Variants in EMP2 observed in about 807,000 individuals in gnomAD.
The protein encoded by EMP2 is epithelial membrane protein 2.
A neutral mutation model predicts 13.7 loss-of-function variants in EMP2; 19 were observed. The ratio of observed to expected loss-of-function variants is 1.38; its 90% CI spans 0.97 to 2.03. EMP2 has a LOEUF of 2.03. EMP2 is among the 30% of genes most tolerant of loss of function. EMP2 has a pLI of 0.00. For missense variants in EMP2, 253 were observed against 220.7 expected, an observed-to-expected ratio of 1.15 and a Z score of -0.93; for synonymous variants, 97 against 84.7, an observed-to-expected ratio of 1.15 and a Z score of -0.80.
chr16:10,540,728 A>G lies in EMP2; in HGVS notation c.170-2654T>C, dbSNP rs1455440423. The stretch of plus-strand genomic sequence containing the variant: ...GATAACATCATTGGGCTTTCCATCT[A>G]GTATTTTCAGAAAGCTTCCCTTCTT... On this transcript the variant is annotated intron_variant, in intron 3 of 4. Transcript: ENST00000359543. 2.0e-5 allele frequency among the ~76,000 whole-genome samples: 3 copies of G among 152,060 alleles called. No individual in the cohort carries two copies. In the East Asian group the frequency reaches 5.8e-4, roughly 29 times the overall value.
chr16:10,542,214 A>G (rs1430299604), intron 3 of EMP2, among the ~76,000 whole-genome samples: 2 of 152,148 alleles, frequency 1.3e-5, no homozygotes, highest in Non-Finnish European at 2.9e-5. Flanking sequence ...CCTGGGCAAC[A>G]TGGTGAAACT....
chr16:10,580,378 G>C lies in EMP2; in HGVS notation c.-61+171C>G, dbSNP rs1447176978. 1.3e-5 allele frequency among the ~76,000 whole-genome samples: 2 copies of C among 152,228 alleles called. No homozygotes were observed. Among genetic ancestry groups the C allele is most frequent in the African/African-American group, 4.8e-5 (2 of 41,458 alleles). Reference sequence around the variant, plus strand: ...CTGGGGCCGGAGCGAGCGTGGCGCAGACCAGAGGTCGGCGGCATGGGTGGC... The same window carrying C: ...CTGGGGCCGGAGCGAGCGTGGCGCACACCAGAGGTCGGCGGCATGGGTGGC... On this transcript the variant is annotated intron_variant, in intron 1 of 4. Transcript: ENST00000359543. The surrounding 1 kb of genome is among the most constrained non-coding windows in gnomAD (Gnocchi z 4.3).
intron 1 of EMP2, among the ~76,000 whole-genome samples, chr16:10,577,018 A>G (rs898237888): frequency 2.0e-5 from 3 of 152,180 alleles, no homozygotes; most frequent in African/African-American, 7.2e-5. Context: ...CCTCCTGGAC[A>G]GATGACACGT....
intron 1 of EMP2, among the ~76,000 whole-genome samples, chr16:10,550,915 C>G (rs912405756): frequency 6.6e-6 from 1 of 150,894 alleles, no homozygotes; most frequent in African/African-American, 2.4e-5. Flanking sequence ...GCAGAGGTTG[C>G]ACTGAGCCAA....
At chr16:10,542,446 C>T (rs1324377896) in intron 3 of EMP2, among the ~76,000 whole-genome samples, 1 of 45,520 alleles carries the variant, frequency 2.2e-5, no homozygotes, top group Non-Finnish European at 4.5e-5. Flanking sequence ...AACCCTCCCC[C>T]CCCACCAACA....
chr16:10,534,669 G>C (rs940146405), intron 4 of EMP2, among the ~76,000 whole-genome samples: 1 of 152,202 alleles, frequency 6.6e-6, no homozygotes, highest in Non-Finnish European at 1.5e-5. Flanking sequence ...GGGAGGCTGC[G>C]GCAGGAGAAT....
At chr16:10,560,038 C>G (rs1025366092) in intron 1 of EMP2, among the ~76,000 whole-genome samples, 1 of 152,190 alleles carries the variant, frequency 6.6e-6, no homozygotes, top group African/African-American at 2.4e-5. Context: ...CAATGTCACA[C>G]AGCTAGTAAA....
intron 3 of EMP2, among the ~76,000 whole-genome samples, chr16:10,542,267 G>C (rs2050705866): frequency 6.6e-6 from 1 of 152,044 alleles, no homozygotes; most frequent in South Asian, 2.1e-4. Context: ...GCATGGTGGT[G>C]AGTGCCTGTA....
At chr16:10,571,327 C>T (rs1043852606) in intron 1 of EMP2, among the ~76,000 whole-genome samples, 1 of 144,046 alleles carries the variant, frequency 6.9e-6, no homozygotes, top group Non-Finnish European at 1.5e-5. Flanking sequence ...GAGGAGAAAG[C>T]AACAGGGGAG....
intron 4 of EMP2, among the ~76,000 whole-genome samples, chr16:10,533,471 T>C (rs1232390082): frequency 1.3e-5 from 2 of 152,210 alleles, no homozygotes; most frequent in Non-Finnish European, 1.5e-5. Context: ...CCAGTTTTGT[T>C]TGGGCAGCCA....
At chr16:10,535,435 C>A (rs946428849) in intron 4 of EMP2, among the ~76,000 whole-genome samples, 1 of 151,994 alleles carries the variant, frequency 6.6e-6, no homozygotes, top group Non-Finnish European at 1.5e-5. Context: ...TAGACAATAA[C>A]AGAAAATAAA....
intron 1 of EMP2, among the ~76,000 whole-genome samples, chr16:10,574,116 T>C (rs1205829292): frequency 6.6e-6 from 1 of 151,880 alleles, no homozygotes; most frequent in African/African-American, 2.4e-5. Flanking sequence ...TTTTGTATTT[T>C]TGGTAGAGAT....
At chr16:10,539,802 G>T (rs934438630) in intron 3 of EMP2, among the ~76,000 whole-genome samples, 1 of 152,042 alleles carries the variant, frequency 6.6e-6, no homozygotes, top group Non-Finnish European at 1.5e-5. Flanking sequence ...CGGGCACGAG[G>T]GCTTCGTAAA....
At chr16:10,550,875 T>TGA (rs933875220) in intron 1 of EMP2, among the ~76,000 whole-genome samples, 93 of 151,686 alleles carry the variant, frequency 6.1e-4, no homozygotes, top group African/African-American at 2.2e-3. Flanking sequence ...CTCAGGAGGC[T>TGA]GAGGCAGGAG....
At position 10,530,369 on chromosome 16, in the gene EMP2, G is replaced by C. The variant is rs2050588803; in HGVS notation, c.*2536C>G. 6.6e-6 allele frequency: 1 copy of C among 152,548 alleles called. No homozygotes were observed. The highest frequency in any genetic ancestry group is 1.5e-5 in the Non-Finnish European group (1 of 68,058). 9.4% of individuals were successfully genotyped at this position (152,548 alleles called of 1,614,324 possible). ...AATCCTGCATTGAAGAGATATCCATGGTGGCCCTAAAACTACTCAAACCAG... is the reference window on the plus strand; with the variant it reads ...AATCCTGCATTGAAGAGATATCCATCGTGGCCCTAAAACTACTCAAACCAG... On this transcript the variant is annotated 3_prime_UTR_variant, in exon 5 of 5. Transcript: ENST00000359543.
intron 3 of EMP2, among the ~76,000 whole-genome samples, 161 bp from the exon 4 acceptor site, chr16:10,538,235 G>A (rs1020819570): frequency 6.6e-6 from 1 of 152,174 alleles, no homozygotes; most frequent in African/African-American, 2.4e-5. Flanking sequence ...CAGCCAAGGC[G>A]TCTTCCAGAC....
chr16:10,577,365 C>G (rs1046811670), intron 1 of EMP2, among the ~76,000 whole-genome samples: 9 of 152,120 alleles, frequency 5.9e-5, no homozygotes, highest in Non-Finnish European at 1.3e-4. Context: ...GTTACCAGCC[C>G]GGCACTCTCT....
intron 1 of EMP2, 29 bp from the exon 2 acceptor site, chr16:10,547,706 A>T: frequency 7.5e-7 from 1 of 1,327,922 alleles, no homozygotes; most frequent in Non-Finnish European, 1.1e-6. Context: ...AGAAATTCAA[A>T]ATCTGTCAAT....
At chr16:10,541,270 G>A (rs922430673) in intron 3 of EMP2, among the ~76,000 whole-genome samples, 2 of 151,866 alleles carry the variant, frequency 1.3e-5, no homozygotes, top group African/African-American at 4.8e-5. Context: ...ACAGAAAAGT[G>A]GGCTATTTTA....
Sources: allele counts gnomAD v4.1 joint callset (sites outside exome capture counted in the v4.1 genomes callset), GRCh38; gene constraint gnomAD v4.1.1; non-coding constraint Gnocchi (gnomAD v3.1); transcripts MANE v1.5; gene names NCBI Gene and HGNC (gene_info 2026-07-23, HGNC 2026-07-21).